Variants in PDXDC1 observed in about 807,000 individuals in gnomAD.
The protein encoded by PDXDC1 is pyridoxal dependent decarboxylase domain containing 1, also known as pyridoxal-dependent decarboxylase domain-containing protein 1.
PDXDC1 carries 42 observed loss-of-function variants against 100.1 expected under a neutral mutation model. The ratio of observed to expected loss-of-function variants is 0.42; its 90% CI spans 0.33 to 0.54. The LOEUF (loss-of-function observed/expected upper bound fraction) is 0.54. Ranked by LOEUF, PDXDC1 falls within the 20% of genes least tolerant of loss-of-function variation. The pLI, the probability that PDXDC1 is intolerant of heterozygous loss-of-function variation, is 0.10. For missense variants in PDXDC1, 636 were observed against 979.2 expected, an observed-to-expected ratio of 0.65 and a Z score of 4.68; for synonymous variants, 260 against 371.7, an observed-to-expected ratio of 0.70 and a Z score of 3.46.
At chr16:15,020,111 C>CAAAAAAA (rs56353637) in intron 12 of PDXDC1, among the ~76,000 whole-genome samples, 4 of 90,616 alleles carry the variant, frequency 4.4e-5, no homozygotes, top group Non-Finnish European at 7.5e-5. Flanking sequence ...GGCTCCGTCT[C>CAAAAAAA]AAAAAAAAAA....
chr16:15,129,105 GAC>G (rs1437545799), intron 16 of PDXDC1, among the ~76,000 whole-genome samples: 1 of 151,664 alleles, frequency 6.6e-6, no homozygotes, highest in Non-Finnish European at 1.5e-5. Flanking sequence ...GCGCCCGGCC[GAC>G]AGTTTTTAAA....
intron 14 of PDXDC1, among the ~76,000 whole-genome samples, chr16:15,028,428 A>G (rs544871237): frequency 1.2e-4 from 19 of 152,394 alleles, no homozygotes; most frequent in Non-Finnish European, 2.1e-4. Flanking sequence ...TTCTTTCTTT[A>G]TGGTCTGTTT....
Position 14,982,893 on chromosome 16 carries a change from T to C in PDXDC1, c.21+7673T>C, listed in dbSNP as rs539365377. On this transcript the variant is annotated intron_variant, in intron 1 of 22. Transcript: ENST00000396410. Reference sequence around the variant, plus strand: ...TGCAGAGATGAAGGTTGAATGATGATCACTATTCAGGATTTACCTTGTTCA... The same window carrying C: ...TGCAGAGATGAAGGTTGAATGATGACCACTATTCAGGATTTACCTTGTTCA... Among the ~76,000 whole-genome samples, 25 of 152,384 alleles carry C rather than the reference T, an allele frequency of 1.6e-4. No homozygotes were observed. In the East Asian group the frequency reaches 4.8e-3, roughly 29 times the overall value.
intron 16 of PDXDC1, among the ~76,000 whole-genome samples, chr16:15,031,213 T>G (rs984935520): frequency 6.7e-6 from 1 of 149,028 alleles, no homozygotes; most frequent in Non-Finnish European, 1.5e-5. Context: ...TGGCTCAGAT[T>G]CCCAAAGCAC....
chr16:15,076,478 C>G (rs1426572479), intron 16 of PDXDC1: 3 of 970,264 alleles, frequency 3.1e-6, no homozygotes, highest in South Asian at 1.3e-5. Flanking sequence ...AATCTAAAGC[C>G]TTAACAAAGA....
intron 13 of PDXDC1, chr16:15,025,748 C>T (rs1332954854): frequency 6.5e-6 from 1 of 153,142 alleles, no homozygotes; most frequent in Non-Finnish European, 1.5e-5. Flanking sequence ...AGATCTTCCC[C>T]CTCCAGGGCC....
intron 1 of PDXDC1, among the ~76,000 whole-genome samples, chr16:14,979,753 T>G (rs1240322758): frequency 6.6e-6 from 1 of 152,294 alleles, no homozygotes; most frequent in Admixed American, 6.5e-5. Context: ...CTTTGTCACC[T>G]TGCTGTTATG....
At chr16:15,080,466 GCT>G (rs905429434) in intron 16 of PDXDC1, among the ~76,000 whole-genome samples, 1 of 151,940 alleles carries the variant, frequency 6.6e-6, no homozygotes, top group East Asian at 1.9e-4. Flanking sequence ...ACAGGGTCTT[GCT>G]CTCTCTCTCA....
the PDXDC1 span, among the ~76,000 whole-genome samples, chr16:15,148,064 C>T: frequency 3.3e-5 from 5 of 151,614 alleles, no homozygotes; most frequent in Admixed American, 6.6e-5. Flanking sequence ...TCACAGCTAA[C>T]TGCAGTCTCA....
chr16:15,103,617 C>A (rs1253578533), intron 16 of PDXDC1, among the ~76,000 whole-genome samples: 1 of 147,742 alleles, frequency 6.8e-6, no homozygotes, highest in Non-Finnish European at 1.5e-5. Context: ...GATTCTCATG[C>A]CTCAGCCTCC....
chr16:15,000,479 T>C (rs1201246978), intron 3 of PDXDC1, among the ~76,000 whole-genome samples: 1 of 152,286 alleles, frequency 6.6e-6, no homozygotes, highest in African/African-American at 2.4e-5. Flanking sequence ...GGGCAGCACC[T>C]TGGGGACAAT....
chr16:15,141,493 T>G (rs1288007039), downstream of PDXDC1, among the ~76,000 whole-genome samples: 1 of 152,110 alleles, frequency 6.6e-6, no homozygotes, highest in East Asian at 1.9e-4. Context: ...GGGGGTGCAG[T>G]TCCCTTCCCC....
In PDXDC1 at chr16:15,137,536, C is replaced by T. The variant is rs892081722; in HGVS notation, c.1400-1343C>T. ...TGTCAGGGAGGCAGGCGACATACTC[C>T]TCACCTAGAAGAGGCAGCCACTGGA... is the stretch of plus-strand genomic sequence containing the variant. On this transcript the variant is annotated intron_variant, in intron 16 of 16. Transcript: ENST00000535621. The T allele has an allele frequency of 2.6e-5, 30 of 1,142,398 alleles. No individual in the cohort carries two copies. The African/African-American group carries it at 3.4e-4, about 13-fold the overall frequency. 70.8% of individuals were successfully genotyped at this position (1,142,398 alleles called of 1,614,324 possible).
chr16:15,102,589 G>A (rs1028595497), intron 16 of PDXDC1, among the ~76,000 whole-genome samples: 1 of 151,490 alleles, frequency 6.6e-6, no homozygotes, highest in African/African-American at 2.4e-5. Flanking sequence ...GGCACAGCCA[G>A]GAAGGCAGGA....
In PDXDC1 at chr16:15,121,870, C is replaced by T. The variant is rs1184818033; in HGVS notation, c.1400-17009C>T. 306 of 189,390 alleles carry T rather than the reference C, an allele frequency of 1.6e-3. 1 individual carries two copies. The highest frequency in any genetic ancestry group is 3.0e-3 in the Non-Finnish European group (273 of 91,210). The allele number at this position is 189,390 out of a possible 1,614,324, so 11.7% of individuals were successfully genotyped here. A position where few individuals can be genotyped will look rare whatever the true frequency, so the allele number is the denominator to read the frequency against. On this transcript the variant is annotated intron_variant, in intron 16 of 16. Coordinates refer to the PDXDC1 transcript ENST00000535621. The stretch of plus-strand genomic sequence containing the variant: ...CTTAAGGTTATATATTTTGGCCAGG[C>T]GCGGTGGCTCACGCCTGTAATCCCA...
At chr16:15,047,029 C>G (rs549115028) in intron 16 of PDXDC1, among the ~76,000 whole-genome samples, 1 of 152,156 alleles carries the variant, frequency 6.6e-6, no homozygotes, top group Non-Finnish European at 1.5e-5. Flanking sequence ...CACCTTGGGC[C>G]GGGCTTTCTG....
chr16:15,036,062 T>A lies in PDXDC1; in HGVS notation c.2154T>A (p.Ser718Arg), dbSNP rs772619558. 15 of 1,614,106 alleles carry A rather than the reference T, an allele frequency of 9.3e-6. No homozygotes were observed. The highest frequency in any genetic ancestry group is 1.2e-5 in the Non-Finnish European group (14 of 1,180,006). Residue 718 changes from serine (S) to arginine (R), a missense_variant, in exon 23 of 23, where the codon AGT (serine) becomes AGA (arginine). Around this residue, in one of 4 missense-constraint regions of PDXDC1, gnomAD observed 452 missense variants for 402.9 expected, o/e 1.12. Transcript: ENST00000396410. The part of the protein sequence containing the change: ...KRSLRGSDAL[S>R]ETSSVSHIED... ...CCCTGCGAGGTTCAGATGCTTTGAG[T>A]GAGACCAGCTCAGTCAGTCACATTG...
intron 14 of PDXDC1, among the ~76,000 whole-genome samples, chr16:15,028,541 CTAGT>C (rs1472552193): frequency 2.6e-5 from 4 of 152,300 alleles, no homozygotes; most frequent in African/African-American, 7.2e-5. Context: ...ACTGTGAGGC[CTAGT>C]TAGATGATCG....
intron 1 of PDXDC1, among the ~76,000 whole-genome samples, chr16:14,986,312 C>T (rs1312807126): frequency 1.3e-5 from 2 of 152,268 alleles, no homozygotes; most frequent in African/African-American, 2.4e-5. Context: ...ACTAAAAATA[C>T]AAAAAAATTA....
Sources: allele counts gnomAD v4.1 joint callset (sites outside exome capture counted in the v4.1 genomes callset), GRCh38; gene constraint gnomAD v4.1.1; regional missense constraint gnomAD v4.1.1; transcripts MANE v1.5; gene names NCBI Gene and HGNC (gene_info 2026-07-23, HGNC 2026-07-21).